The following IL4I1 variants were observed in gnomAD, a reference collection of about 807,000 sequenced individuals.
The protein encoded by IL4I1 is L-amino-acid oxidase.
In IL4I1, 24 loss-of-function variants were observed where a neutral mutation model predicts 29.7. The observed-to-expected ratio is 0.81, with a 90% confidence interval of 0.59 to 1.14. The LOEUF (loss-of-function observed/expected upper bound fraction) is 1.14. Ranked by LOEUF, IL4I1 falls within the 50% of genes most tolerant of loss-of-function variation. The pLI is 0.00. For synonymous variants in IL4I1, 371 were observed against 352.5 expected, an observed-to-expected ratio of 1.05 and a Z score of -0.59; for missense variants, 686 against 785.6, an observed-to-expected ratio of 0.87 and a Z score of 1.52.
intron 5 of IL4I1, among the ~76,000 whole-genome samples, chr19:49,892,254 G>A (rs1338599970): frequency 6.6e-6 from 1 of 151,708 alleles, no homozygotes; most frequent in Non-Finnish European, 1.5e-5. Flanking sequence ...GCTCATTTTT[G>A]CATTTTTAGT....
chr19:49,926,252 G>C (rs1379743471), intron 2 of IL4I1, among the ~76,000 whole-genome samples: 3 of 148,502 alleles, frequency 2.0e-5, no homozygotes, highest in Non-Finnish European at 3.0e-5. Context: ...CTTAAGACTG[G>C]GTGTGGTGGC....
At chr19:49,929,124 G>C (rs1198997526) in intron 1 of IL4I1, 1 of 151,962 alleles carries the variant, frequency 6.6e-6, no homozygotes, top group African/African-American at 2.4e-5. Context: ...GGGGCCGCGC[G>C]AGGGCGGGGC....
chr19:49,903,837 T>TG (rs2075292079), intron 3 of IL4I1, among the ~76,000 whole-genome samples: 1 of 94,080 alleles, frequency 1.1e-5, no homozygotes. Context: ...TGGGTTTTTT[T>TG]TTTTTTTTTT....
At chr19:49,901,030 C>G (rs183792907), upstream of IL4I1, among the ~76,000 whole-genome samples, 5 of 152,290 alleles carry the variant, frequency 3.3e-5, no homozygotes, top group East Asian at 9.6e-4. Context: ...CCCTGCCTTA[C>G]GTATATACGC....
At chr19:49,926,182 C>G (rs542125215) in intron 2 of IL4I1, among the ~76,000 whole-genome samples, 1 of 131,514 alleles carries the variant, frequency 7.6e-6, no homozygotes, top group East Asian at 2.2e-4. Flanking sequence ...GCACTCCAGC[C>G]TGGGCAACAG....
chr19:49,915,851 C>G (rs2075610306), intron 2 of IL4I1, among the ~76,000 whole-genome samples: 1 of 152,226 alleles, frequency 6.6e-6, no homozygotes, highest in African/African-American at 2.4e-5. Context: ...TGACACCCAG[C>G]CACGATAGGC....
Position 49,894,380 on chromosome 19 carries a change from A to C in IL4I1, c.455T>G (p.Val152Gly), listed in dbSNP as rs1216108777. 2.5e-6 allele frequency: 4 copies of C among 1,614,070 alleles called. No homozygotes were observed. The highest frequency in any genetic ancestry group is 3.4e-6 in the Non-Finnish European group (4 of 1,180,042). The change falls in exon 5 of 8, where the codon GTG becomes GGG. Residue 152 changes from valine to glycine, a missense_variant. Transcript: ENST00000391826. ...DKNTWTEVHEVKLRNYVVEKV... is the reference protein window; with the variant it reads ...DKNTWTEVHEGKLRNYVVEKV... ...CTCCACCACATAGTTGCGCAGCTTC[A>C]CTTCGTGCACCTCCGTCCACGTGTT...
chr19:49,908,142 C>T (rs1486986271), intron 2 of IL4I1: 9 of 1,534,376 alleles, frequency 5.9e-6, no homozygotes, highest in South Asian at 4.7e-5. Context: ...AAGAAACAAA[C>T]AAACAAGTAT....
At chr19:49,909,050 G>C (rs745977545) in intron 2 of IL4I1, 1 of 1,613,158 alleles carries the variant, frequency 6.2e-7, no homozygotes, top group South Asian at 1.1e-5. Flanking sequence ...GAAGCCCTGT[G>C]TCCCAGCAGT....
At chr19:49,922,186 GGCTT>G (rs1743251448) in intron 2 of IL4I1, among the ~76,000 whole-genome samples, 1 of 152,326 alleles carries the variant, frequency 6.6e-6, no homozygotes, top group Middle Eastern at 3.4e-3. Context: ...GCGAGTCATG[GGCTT>G]GCCCCTGACA....
At position 49,909,003 on chromosome 19, in the gene IL4I1, TGGA is replaced by T. The variant is rs766810143; in HGVS notation, c.-227-4685_-227-4683del. On this transcript the variant is annotated intron_variant, in intron 2 of 9. Coordinates refer to the IL4I1 transcript ENST00000341114. ...GCGGTGGCAGCGGTGGATGTTGTTG[TGGA>T]GGTGCCGGAAGCTGCTCCAGGTGCC... is the stretch of plus-strand genomic sequence containing the variant. 51 of 1,612,214 alleles carry T rather than the reference TGGA, an allele frequency of 3.2e-5. No homozygotes were observed. The highest frequency in any genetic ancestry group is 4.1e-5 in the Non-Finnish European group (48 of 1,179,292).
At chr19:49,924,987 C>T (rs1308890713) in intron 2 of IL4I1, among the ~76,000 whole-genome samples, 3 of 152,196 alleles carry the variant, frequency 2.0e-5, no homozygotes, top group African/African-American at 7.2e-5. Context: ...CCGGGCCAGG[C>T]GCGGTGGTTC....
chr19:49,891,412 G>A lies in IL4I1; in HGVS notation c.629C>T (p.Thr210Met), dbSNP rs765500991. ...RKAMKKFERH[T>M]LLEYLLGEGN... ...ACCAAGATCCCCACTTACCAAGAGCGTGTGCCTTTCAAACTTCTTCATCGC... is the reference window on the plus strand; with the variant it reads ...ACCAAGATCCCCACTTACCAAGAGCATGTGCCTTTCAAACTTCTTCATCGC... The change falls in exon 6 of 8, where the codon ACG becomes ATG. Residue 210 changes from threonine to methionine, a missense_variant. Coordinates refer to ENST00000391826, the MANE Select transcript of IL4I1 (RefSeq NM_152899.2). 1.3e-5 allele frequency: 21 copies of A among 1,613,846 alleles called. 1 individual carries two copies. Among genetic ancestry groups the A allele is most frequent in the South Asian group, 5.5e-5 (5 of 91,088 alleles).
At chr19:49,929,249 C>A (rs2076002237) in intron 1 of IL4I1, 1 of 153,566 alleles carries the variant, frequency 6.5e-6, no homozygotes, top group African/African-American at 2.4e-5. Context: ...ACAGTGTCGC[C>A]GCCTCTGCCT....
intron 2 of IL4I1, among the ~76,000 whole-genome samples, chr19:49,923,969 G>A (rs990709430): frequency 3.9e-5 from 6 of 152,274 alleles, no homozygotes; most frequent in African/African-American, 1.4e-4. Context: ...AAAACTCGGA[G>A]CCTTTTCCAT....
chr19:49,906,110 T>C (rs1893020782), intron 2 of IL4I1, among the ~76,000 whole-genome samples: 1 of 152,108 alleles, frequency 6.6e-6, no homozygotes, highest in South Asian at 2.1e-4. Context: ...GGAAGAGCAT[T>C]GGGCCCGTGT....
At chr19:49,916,791 G>A (rs1253157241) in intron 2 of IL4I1, among the ~76,000 whole-genome samples, 1 of 152,088 alleles carries the variant, frequency 6.6e-6, no homozygotes, top group Non-Finnish European at 1.5e-5. Flanking sequence ...AATTAGCCTG[G>A]CATGGTGGCG....
At chr19:49,902,030 C>T (rs10424777) in intron 3 of IL4I1, among the ~76,000 whole-genome samples, 15,609 of 152,102 alleles carry the variant, frequency 0.1, 1,508 homozygotes, top group East Asian at 0.37. Context: ...GACTGAGTCT[C>T]GTTCTGTCAC....
intron 2 of IL4I1, among the ~76,000 whole-genome samples, chr19:49,916,440 G>A (rs1444142373): frequency 1.4e-5 from 2 of 147,662 alleles, no homozygotes; most frequent in African/African-American, 2.5e-5. Context: ...TGCAAGCTCC[G>A]CCTCCCGGTA....
Sources: allele counts gnomAD v4.1 joint callset (sites outside exome capture counted in the v4.1 genomes callset), GRCh38; gene constraint gnomAD v4.1.1; transcripts MANE v1.5; gene names NCBI Gene and HGNC (gene_info 2026-07-23, HGNC 2026-07-21).